SUGCT: variants seen among roughly 807,000 people sequenced by gnomAD.
SUGCT encodes the protein succinyl-CoA:glutarate-CoA transferase, also known as succinyl-CoA:glutarate CoA-transferase.
SUGCT carries 41 observed loss-of-function variants against 55.0 expected under a neutral mutation model. The observed-to-expected ratio is 0.74, with a 90% CI of 0.58 to 0.97. SUGCT has a LOEUF of 0.97. Ranked by LOEUF, SUGCT falls within the 50% of genes least tolerant of loss-of-function variation. The pLI, the probability that SUGCT is intolerant of heterozygous loss-of-function variation, is 0.00. For missense variants in SUGCT, 568 were observed against 547.8 expected, an observed-to-expected ratio of 1.04 and a Z score of -0.37; for synonymous variants, 187 against 200.4, an observed-to-expected ratio of 0.93 and a Z score of 0.56.
chr7:40,908,470 T>C, the SUGCT span, among the ~76,000 whole-genome samples: 5 of 151,904 alleles, frequency 3.3e-5, no homozygotes, highest in East Asian at 9.7e-4. Context: ...TATACCACTT[T>C]ATTCTATCAA....
intron 9 of SUGCT, among the ~76,000 whole-genome samples, chr7:40,428,331 T>C (rs1021442525): frequency 1.3e-5 from 2 of 152,218 alleles, no homozygotes; most frequent in African/African-American, 4.8e-5. Context: ...ATTCAGGCAC[T>C]TTAATGTCTT....
At chr7:40,350,026 T>C (rs930957580) in intron 9 of SUGCT, among the ~76,000 whole-genome samples, 6 of 152,158 alleles carry the variant, frequency 3.9e-5, no homozygotes, top group African/African-American at 1.4e-4. Flanking sequence ...TTTACCTGTA[T>C]GAGTTATCAG....
intron 6 of SUGCT, among the ~76,000 whole-genome samples, chr7:40,225,704 G>A (rs765612329): frequency 6.6e-6 from 1 of 152,054 alleles, no homozygotes; most frequent in East Asian, 1.9e-4. Context: ...CCAAATTGCT[G>A]GGATTACAGG....
chr7:40,821,774 G>T (rs1161036587), intron 13 of SUGCT, among the ~76,000 whole-genome samples: 2 of 152,018 alleles, frequency 1.3e-5, no homozygotes, highest in Non-Finnish European at 2.9e-5. Context: ...CTTCAGTTCT[G>T]CTCTGATTTT....
At chr7:40,975,254 G>A in the SUGCT span, among the ~76,000 whole-genome samples, 2 of 151,784 alleles carry the variant, frequency 1.3e-5, no homozygotes, top group African/African-American at 4.9e-5. Flanking sequence ...AAGGAGGAAG[G>A]GTTTGGAAGC....
In SUGCT at chr7:40,544,341, G is replaced by A. The variant is rs147855913; in HGVS notation, c.1089+47955G>A. ...TATGCTGTGGAAAGCTCACTGTGCC[G>A]CAAGTGGGTGTGTGAGCAAAGGAGA... On this transcript the variant is annotated intron_variant, in intron 12 of 13. Transcript: ENST00000335693. 4.0e-3 allele frequency among the ~76,000 whole-genome samples: 607 copies of A among 152,150 alleles called. 4 individuals carry two copies. Among genetic ancestry groups the A allele is most frequent in the African/African-American group, 0.014 (561 of 41,518 alleles).
intron 8 of SUGCT, among the ~76,000 whole-genome samples, chr7:40,293,019 A>G (rs1325223818): frequency 6.6e-6 from 1 of 152,208 alleles, no homozygotes; most frequent in African/African-American, 2.4e-5. Context: ...TCAGAGCTGT[A>G]TTTAGAGCAT....
At chr7:40,239,022 T>C (rs1018567788) in intron 7 of SUGCT, among the ~76,000 whole-genome samples, 8 of 152,116 alleles carry the variant, frequency 5.3e-5, no homozygotes, top group African/African-American at 1.9e-4. Context: ...GGTTTCACCG[T>C]CTTGACCAGG....
intron 6 of SUGCT, among the ~76,000 whole-genome samples, chr7:40,236,442 CAAAA>C (rs60720770): frequency 1.1e-5 from 1 of 90,042 alleles, no homozygotes; most frequent in Non-Finnish European, 2.1e-5. Flanking sequence ...TTTCTGATGG[CAAAA>C]AAAAAAAAAA....
chr7:40,764,481 T>C (rs755825959), intron 13 of SUGCT, among the ~76,000 whole-genome samples: 10 of 152,162 alleles, frequency 6.6e-5, no homozygotes, highest in Non-Finnish European at 1.3e-4. Flanking sequence ...ATATATATCA[T>C]CTTATTTGGC....
intron 12 of SUGCT, among the ~76,000 whole-genome samples, chr7:40,701,751 A>T (rs566130204): frequency 6.6e-6 from 1 of 152,146 alleles, no homozygotes; most frequent in Non-Finnish European, 1.5e-5. Context: ...GCCATCCCCA[A>T]TTGCTAAACT....
chr7:40,509,006 T>C (rs1249516927), intron 12 of SUGCT, among the ~76,000 whole-genome samples: 2 of 152,066 alleles, frequency 1.3e-5, no homozygotes, highest in Non-Finnish European at 2.9e-5. Flanking sequence ...AAGAAAAGTG[T>C]GGACGTTTTA....
chr7:40,450,645 C>T (rs1036003936), intron 10 of SUGCT, among the ~76,000 whole-genome samples: 12 of 151,832 alleles, frequency 7.9e-5, no homozygotes, highest in African/African-American at 2.9e-4. Flanking sequence ...GGTGTGGCAG[C>T]CATGCGCCTG....
At chr7:40,257,651 G>A (rs1328023922) in intron 7 of SUGCT, among the ~76,000 whole-genome samples, 3 of 152,146 alleles carry the variant, frequency 2.0e-5, no homozygotes, top group Admixed American at 6.6e-5. Context: ...TGAGGCTGGC[G>A]GATCACCTGA....
At chr7:40,566,503 C>T (rs1161183310) in intron 12 of SUGCT, among the ~76,000 whole-genome samples, 3 of 152,148 alleles carry the variant, frequency 2.0e-5, no homozygotes, top group Admixed American at 6.5e-5. Flanking sequence ...ATTTGAATTA[C>T]AGATGTCTGA....
intron 13 of SUGCT, among the ~76,000 whole-genome samples, chr7:40,762,158 C>T (rs1218861227): frequency 1.3e-5 from 2 of 152,224 alleles, no homozygotes; most frequent in African/African-American, 4.8e-5. Context: ...CGGTGATGCT[C>T]TTGCACTAGA....
intron 7 of SUGCT, among the ~76,000 whole-genome samples, chr7:40,272,993 G>A (rs933593384): frequency 2.6e-5 from 4 of 152,022 alleles, no homozygotes; most frequent in Non-Finnish European, 4.4e-5. Context: ...AAAATTCCAC[G>A]TATAAGTGGA....
At chr7:40,912,412 C>A in the SUGCT span, among the ~76,000 whole-genome samples, 1 of 152,136 alleles carries the variant, frequency 6.6e-6, no homozygotes, top group Non-Finnish European at 1.5e-5. Context: ...GAACACAACT[C>A]CCAATTATCC....
chr7:40,820,206 C>T (rs1791910986), intron 13 of SUGCT, among the ~76,000 whole-genome samples: 1 of 152,170 alleles, frequency 6.6e-6, no homozygotes, highest in Non-Finnish European at 1.5e-5. Context: ...GTGATGCCTC[C>T]AGCTTTGTTC....
Sources: gnomAD v4.1 joint callset for allele counts (sites outside exome capture counted in the v4.1 genomes callset) on GRCh38, gnomAD v4.1.1 for gene constraint, MANE v1.5 for transcripts, NCBI Gene and HGNC (gene_info 2026-07-23, HGNC 2026-07-21) for gene names.